The following KPNA1 variants were observed in gnomAD, a reference collection of about 807,000 sequenced individuals.
The protein encoded by KPNA1 is importin subunit alpha-5.
KPNA1 carries 10 observed loss-of-function variants against 70.5 expected under a neutral mutation model. The ratio of observed to expected loss-of-function variants is 0.14; its 90% CI spans 0.09 to 0.24. The LOEUF (loss-of-function observed/expected upper bound fraction) is 0.24, where lower values mean the gene tolerates loss of function less well. Among genes scored for constraint, KPNA1 ranks in the 10% least tolerant of loss-of-function variants. KPNA1 has a pLI of 1.00. For synonymous variants in KPNA1, 192 were observed against 221.9 expected (o/e 0.87, Z 1.20); for missense variants, 397 against 637.9 (o/e 0.62, Z 4.07).
intron 2 of KPNA1, among the ~76,000 whole-genome samples, chr3:122,475,792 A>C (rs1560042070): frequency 6.6e-6 from 1 of 152,240 alleles, no homozygotes; most frequent in Non-Finnish European, 1.5e-5. Flanking sequence ...TATTTTTTAC[A>C]ATAAAGTAAG....
intron 1 of KPNA1, among the ~76,000 whole-genome samples, chr3:122,508,827 C>T (rs1457700898): frequency 6.6e-6 from 1 of 152,154 alleles, no homozygotes; most frequent in Non-Finnish European, 1.5e-5. Context: ...AGCCACAAGA[C>T]TACCAGACAT....
At chr3:122,477,110 C>A (rs1015397310) in intron 2 of KPNA1, among the ~76,000 whole-genome samples, 4 of 151,996 alleles carry the variant, frequency 2.6e-5, no homozygotes, top group Admixed American at 6.6e-5. Context: ...TGAAAGAAAT[C>A]CTATCATTTT....
At chr3:122,495,241 G>A (rs373579551) in intron 2 of KPNA1, among the ~76,000 whole-genome samples, 10 of 86,330 alleles carry the variant, frequency 1.2e-4, no homozygotes, top group African/African-American at 3.9e-4. Context: ...GCCACAGAGC[G>A]AGACTCTGCC....
At position 122,424,793 on chromosome 3, in the gene KPNA1, T is replaced by C. The variant is rs2075800503; in HGVS notation, c.*2192A>G. ...TATAGAAATGACATGTTACTAGTAA[T>C]TTACAATTTTAAAAAACAGCCACAA... On this transcript the variant is annotated 3_prime_UTR_variant, in exon 14 of 14. Coordinates refer to ENST00000344337, the MANE Select transcript of KPNA1 (RefSeq NM_002264.4). 1 of 152,572 alleles carries C rather than the reference T, an allele frequency of 6.6e-6. No homozygotes were observed. Among genetic ancestry groups the C allele is most frequent in the Admixed American group, 6.5e-5 (1 of 15,268 alleles). The allele number at this position is 152,572 out of a possible 1,614,324, so 9.5% of individuals were successfully genotyped here.
At chr3:122,508,167 A>G (rs976914046) in intron 1 of KPNA1, among the ~76,000 whole-genome samples, 7 of 152,210 alleles carry the variant, frequency 4.6e-5, no homozygotes, top group Admixed American at 4.6e-4. Flanking sequence ...ACCACGGCAT[A>G]AAGAGAATAG....
intron 8 of KPNA1, 71 bp from the exon 9 acceptor site, chr3:122,449,808 A>C: frequency 1.6e-6 from 2 of 1,244,998 alleles, no homozygotes; most frequent in Non-Finnish European, 2.3e-6. Flanking sequence ...ATACTCAAGA[A>C]GGCAACCAGG....
intron 2 of KPNA1, among the ~76,000 whole-genome samples, chr3:122,483,875 T>C (rs1447837430): frequency 6.6e-6 from 1 of 152,192 alleles, no homozygotes; most frequent in East Asian, 1.9e-4. Context: ...AGTTTTTATA[T>C]CCTACAATAC....
chr3:122,479,531 A>G (rs1460753487), intron 2 of KPNA1, among the ~76,000 whole-genome samples: 1 of 152,130 alleles, frequency 6.6e-6, no homozygotes, highest in Non-Finnish European at 1.5e-5. Flanking sequence ...AGGCCGAGGC[A>G]GGTGGATCAC....
chr3:122,450,474 C>T (rs1360040772), intron 8 of KPNA1, among the ~76,000 whole-genome samples: 1 of 151,970 alleles, frequency 6.6e-6, no homozygotes, highest in Non-Finnish European at 1.5e-5. Flanking sequence ...CCCAGCTACT[C>T]GGGAGGCTGA....
At chr3:122,468,899 C>A (rs2076411269) in intron 2 of KPNA1, among the ~76,000 whole-genome samples, 2 of 152,132 alleles carry the variant, frequency 1.3e-5, no homozygotes, top group South Asian at 2.1e-4. Flanking sequence ...ATCTTTAAAA[C>A]TGAAAAGAAA....
chr3:122,447,412 C>T (rs566070112), intron 9 of KPNA1, among the ~76,000 whole-genome samples: 51 of 152,202 alleles, frequency 3.4e-4, no homozygotes, highest in African/African-American at 9.1e-4. Flanking sequence ...ACAGAACCAA[C>T]GACAAAAACT....
intron 5 of KPNA1, chr3:122,459,480 A>G: frequency 1.0e-6 from 1 of 985,402 alleles, no homozygotes; most frequent in Non-Finnish European, 1.2e-6. Context: ...AAACTGCAGT[A>G]AGGTTCCTCA....
chr3:122,452,091 G>C (rs192781755), intron 6 of KPNA1, 27 bp from the exon 7 acceptor site: 1 of 1,438,142 alleles, frequency 7.0e-7, no homozygotes. Flanking sequence ...CATTAATAAA[G>C]GTTACATAGT....
intron 1 of KPNA1, among the ~76,000 whole-genome samples, chr3:122,504,110 G>A (rs2076861059): frequency 6.6e-6 from 1 of 152,220 alleles, no homozygotes; most frequent in Non-Finnish European, 1.5e-5. Flanking sequence ...CTTAGAGTGA[G>A]GATGATGTGC....
At chr3:122,473,034 T>C (rs1047467840) in intron 2 of KPNA1, among the ~76,000 whole-genome samples, 1 of 152,112 alleles carries the variant, frequency 6.6e-6, no homozygotes, top group African/African-American at 2.4e-5. Flanking sequence ...TGAGCCAAGA[T>C]TGCACCACTA....
intron 6 of KPNA1, among the ~76,000 whole-genome samples, chr3:122,453,501 G>C (rs2076233708): frequency 6.6e-6 from 1 of 151,020 alleles, no homozygotes; most frequent in Non-Finnish European, 1.5e-5. Context: ...TATTATGTTG[G>C]GAAATTTTGT....
intron 12 of KPNA1, among the ~76,000 whole-genome samples, chr3:122,430,504 A>G (rs2075886946): frequency 9.3e-6 from 1 of 107,664 alleles, no homozygotes; most frequent in Admixed American, 8.6e-5. Context: ...GACTTCCTAT[A>G]CTGTACTACC....
intron 9 of KPNA1, among the ~76,000 whole-genome samples, chr3:122,444,126 G>C (rs72958428): frequency 0.016 from 2,500 of 152,248 alleles, 69 homozygotes; most frequent in African/African-American, 0.058. Flanking sequence ...CTGAGAAAAA[G>C]AACTGAGCGC....
chr3:122,465,100 A>C (rs550548114), intron 3 of KPNA1, among the ~76,000 whole-genome samples: 1 of 152,300 alleles, frequency 6.6e-6, no homozygotes, highest in South Asian at 2.1e-4. Context: ...CTGACTTTAC[A>C]TTACACTATT....
Sources: allele counts gnomAD v4.1 joint callset (sites outside exome capture counted in the v4.1 genomes callset), GRCh38; gene constraint gnomAD v4.1.1; transcripts MANE v1.5; gene names NCBI Gene and HGNC (gene_info 2026-07-23, HGNC 2026-07-21).